Variants in TCF20 observed in about 807,000 individuals in gnomAD.
TCF20 encodes the protein transcription factor 20.
Under a neutral mutation model 148.6 loss-of-function variants are expected in TCF20, and 3 were observed. The observed-to-expected ratio is 0.02, with a 90% confidence interval of 0.01 to 0.05. The LOEUF is 0.05. Ranked by LOEUF, TCF20 falls within the 10% of genes least tolerant of loss-of-function variation. TCF20 has a pLI of 1.00. For synonymous variants in TCF20, 1,049 were observed against 909.5 expected, an observed-to-expected ratio of 1.15 and a Z score of -2.76; for missense variants, 2,350 against 2,429.3, an observed-to-expected ratio of 0.97 and a Z score of 0.69.
rs1034110103 is a variant in TCF20, at chr22:42,183,905, A to AT, written c.5656-4204dup. 6.0e-4 allele frequency among the ~76,000 whole-genome samples: 91 copies of AT among 151,646 alleles called. 1 individual carries two copies. Among genetic ancestry groups the AT allele is most frequent in the African/African-American group, 2.1e-3 (88 of 41,292 alleles). On this transcript the variant is annotated intron_variant, in intron 2 of 5. Transcript: ENST00000677622. Reference sequence around the variant, plus strand: ...TGCCTCAGCCTCCCGAGTAGATGGGATTACAGGCACCTGCCACCACGCCCA... The same window carrying AT: ...TGCCTCAGCCTCCCGAGTAGATGGGATTTACAGGCACCTGCCACCACGCCCA...
At chr22:42,296,838 C>G (rs1288879023) in intron 1 of TCF20, among the ~76,000 whole-genome samples, 12 of 152,186 alleles carry the variant, frequency 7.9e-5, no homozygotes, top group Admixed American at 7.2e-4. Flanking sequence ...CTCAGCTTTT[C>G]GCGAATGAGA....
intron 1 of TCF20, among the ~76,000 whole-genome samples, chr22:42,224,534 C>CAAAAAAAAAAAAAAAAA (rs66858906): frequency 7.6e-5 from 3 of 39,522 alleles, no homozygotes; most frequent in Non-Finnish European, 1.4e-4. Flanking sequence ...AAAGCTGGTA[C>CAAAAAAAAAAAAAAAAA]AAAAAAAAAA....
chr22:42,198,464 A>G (rs1937735421), intron 2 of TCF20, among the ~76,000 whole-genome samples: 2 of 152,332 alleles, frequency 1.3e-5, no homozygotes, highest in East Asian at 3.9e-4. Context: ...ACGGATGCCC[A>G]AGTCGCTTAT....
intron 1 of TCF20, among the ~76,000 whole-genome samples, chr22:42,254,245 T>G (rs919143759): frequency 6.6e-6 from 1 of 152,216 alleles, no homozygotes; most frequent in African/African-American, 2.4e-5. Context: ...AGACAAGTCC[T>G]TGCCCTCACA....
At chr22:42,333,800 G>A (rs1928019101) in intron 1 of TCF20, among the ~76,000 whole-genome samples, 1 of 152,180 alleles carries the variant, frequency 6.6e-6, no homozygotes, top group African/African-American at 2.4e-5. Flanking sequence ...TGCCCAACCT[G>A]CTCACCCACT....
chr22:42,298,345 C>T (rs146372522), intron 1 of TCF20, among the ~76,000 whole-genome samples: 1 of 152,266 alleles, frequency 6.6e-6, no homozygotes, highest in Non-Finnish European at 1.5e-5. Flanking sequence ...CCCAAAGGGC[C>T]GACTGTTGTT....
In TCF20 at chr22:42,214,906, C is replaced by A. The variant is rs747525065; in HGVS notation, c.400G>T (p.Gly134Cys). 19 of 1,614,068 alleles carry A rather than the reference C, an allele frequency of 1.2e-5. 1 individual carries two copies. In the South Asian group the frequency reaches 1.9e-4, roughly 16 times the overall value. Residue 134 changes from glycine to cysteine, a missense_variant, in exon 2 of 6, where the codon GGT becomes TGT. Coordinates refer to ENST00000677622, the MANE Select transcript of TCF20 (RefSeq NM_001378418.1). ...TGTGCTTGAAACTGGCCCACATGACCCTCACTCCCATACTGATTGCCAAAG... is the reference window on the plus strand; with the variant it reads ...TGTGCTTGAAACTGGCCCACATGACACTCACTCCCATACTGATTGCCAAAG... Reference protein sequence around the residue: ...SSFGNQYGSEGHVGQFQAQHS... With the variant: ...SSFGNQYGSECHVGQFQAQHS...
chr22:42,273,770 C>T (rs949551710), upstream of TCF20: 2 of 152,286 alleles, frequency 1.3e-5, no homozygotes, highest in African/African-American at 4.8e-5. Flanking sequence ...AATCCTTTCC[C>T]TCCTCCTCTG....
intron 2 of TCF20, among the ~76,000 whole-genome samples, chr22:42,188,407 A>C (rs1453017747): frequency 6.6e-6 from 1 of 151,974 alleles, no homozygotes; most frequent in Non-Finnish European, 1.5e-5. Flanking sequence ...AAGTAAAAAC[A>C]CCAGACCCAT....
At chr22:42,194,110 G>C (rs1937476960) in intron 2 of TCF20, among the ~76,000 whole-genome samples, 1 of 152,168 alleles carries the variant, frequency 6.6e-6, no homozygotes, top group African/African-American at 2.4e-5. Flanking sequence ...AGAGCTCCTT[G>C]GGGGTCCGTG....
In TCF20 at chr22:42,211,814, T is replaced by C; in HGVS notation, c.3492A>G (p.Leu1164=). Residue 1164 remains leucine, a synonymous_variant, in exon 2 of 6, where the codon CTA becomes CTG. Transcript: ENST00000677622. ...DPSAQEAGRC[L]MSSDGLPNKG... ...TGTTAGGCAGACCATCACTAGACATTAGGCAGCGCCCAGCCTCCTGGGCAC... is the reference window on the plus strand; with the variant it reads ...TGTTAGGCAGACCATCACTAGACATCAGGCAGCGCCCAGCCTCCTGGGCAC... 1 of 1,614,148 alleles carries C rather than the reference T, an allele frequency of 6.2e-7. No homozygotes were observed. Among genetic ancestry groups the C allele is most frequent in the Admixed American group, 1.7e-5 (1 of 60,028 alleles).
chr22:42,321,663 C>A (rs572779003), intron 1 of TCF20, among the ~76,000 whole-genome samples: 1 of 151,676 alleles, frequency 6.6e-6, no homozygotes, highest in African/African-American at 2.4e-5. Context: ...ACAGGGGGAC[C>A]AGGCTGGGCG....
intron 5 of TCF20, among the ~76,000 whole-genome samples, chr22:42,168,201 T>G (rs1440840526): frequency 6.6e-6 from 1 of 152,124 alleles, no homozygotes; most frequent in Non-Finnish European, 1.5e-5. Context: ...CACCATAAGC[T>G]TTACAGAAAT....
chr22:42,285,491 C>G (rs989713920), upstream of TCF20, among the ~76,000 whole-genome samples: 17 of 152,116 alleles, frequency 1.1e-4, no homozygotes, highest in Admixed American at 1.1e-3. This position sits in a 1 kb window ranked among gnomAD's most constrained non-coding sequence, Gnocchi z 4.2. Context: ...TAGGACCTAA[C>G]ATGGTACAGA....
chr22:42,342,148 T>C, intron 1 of TCF20, among the ~76,000 whole-genome samples: 1 of 152,038 alleles, frequency 6.6e-6, no homozygotes, highest in East Asian at 1.9e-4. Flanking sequence ...TGGCCTAGTT[T>C]AGGTTTGTGG....
chr22:42,291,284 G>C (rs1299279237), intron 1 of TCF20, among the ~76,000 whole-genome samples: 1 of 152,210 alleles, frequency 6.6e-6, no homozygotes, highest in Admixed American at 6.5e-5. Flanking sequence ...CAATGACCGC[G>C]GTCCAGCCTG....
intron 1 of TCF20, among the ~76,000 whole-genome samples, chr22:42,240,270 T>C (rs1315530137): frequency 1.3e-5 from 2 of 152,190 alleles, no homozygotes; most frequent in African/African-American, 2.4e-5. Flanking sequence ...GCAGAGATCA[T>C]GCTCTAGATA....
At chr22:42,218,826 G>A (rs557166860) in intron 1 of TCF20, among the ~76,000 whole-genome samples, 3 of 150,114 alleles carry the variant, frequency 2.0e-5, no homozygotes, top group Non-Finnish European at 3.0e-5. Flanking sequence ...TCTGTTCTCA[G>A]CCTTCCCCTG....
At chr22:42,201,678 G>A (rs1409720641) in intron 2 of TCF20, among the ~76,000 whole-genome samples, 2 of 151,818 alleles carry the variant, frequency 1.3e-5, no homozygotes, top group African/African-American at 4.8e-5. Context: ...TGAGGCAGGA[G>A]AATTGCTTGA....
Sources: allele counts gnomAD v4.1 joint callset (sites outside exome capture counted in the v4.1 genomes callset), GRCh38; gene constraint gnomAD v4.1.1; non-coding constraint Gnocchi (gnomAD v3.1); transcripts MANE v1.5; gene names NCBI Gene and HGNC (gene_info 2026-07-23, HGNC 2026-07-21).